MSI2: variants seen among roughly 807,000 people sequenced by gnomAD.
The protein encoded by MSI2 is musashi RNA binding protein 2.
In MSI2, 17 loss-of-function variants were observed where a neutral mutation model predicts 45.6. The ratio of observed to expected loss-of-function variants is 0.37; its 90% CI spans 0.26 to 0.56. MSI2 has a LOEUF of 0.56. Among genes scored for constraint, MSI2 ranks in the 20% least tolerant of loss-of-function variants. The pLI, the probability that MSI2 is intolerant of heterozygous loss-of-function variation, is 0.77. For missense variants in MSI2, 293 were observed against 444.2 expected (o/e 0.66, Z 3.06); for synonymous variants, 156 against 158.2 (o/e 0.99, Z 0.11).
At position 57,411,955 on chromosome 17, in the gene MSI2, C is replaced by T. The variant is rs547054551; in HGVS notation, c.405+10484C>T. 1.9e-3 allele frequency among the ~76,000 whole-genome samples: 287 copies of T among 149,956 alleles called. 1 individual carries two copies. Among genetic ancestry groups the T allele is most frequent in the Middle Eastern group, 6.8e-3 (2 of 294 alleles). ...CTGGGAGGCAGAGGTTGCAGTGAGC[C>T]AAGATCACACCATTGCACTCCAGCC... On this transcript the variant is annotated intron_variant, in intron 6 of 13. Transcript: ENST00000284073.
At chr17:57,293,202 G>T (rs1277512915) in intron 5 of MSI2, among the ~76,000 whole-genome samples, 3 of 152,152 alleles carry the variant, frequency 2.0e-5, no homozygotes, top group Admixed American at 6.5e-5. Flanking sequence ...AATGGTGTTT[G>T]CTCCAGAGCC....
chr17:57,502,636 T>TATATATATATATAGAGAGAGAGAGAGAG, intron 6 of MSI2, among the ~76,000 whole-genome samples: 5 of 96,902 alleles, frequency 5.2e-5, no homozygotes, highest in Non-Finnish European at 1.1e-4. Context: ...TATATATATA[T>TATATATATATATAGAGAGAGAGAGAGAG]AGTCATCATT....
At chr17:57,673,217 C>T (rs1292889535) in intron 11 of MSI2, among the ~76,000 whole-genome samples, 2 of 152,214 alleles carry the variant, frequency 1.3e-5, no homozygotes, top group Admixed American at 1.3e-4. Flanking sequence ...AATCTCTTCC[C>T]ATCCCTGTGA....
At chr17:57,530,929 AAC>A (rs2086808922) in intron 7 of MSI2, among the ~76,000 whole-genome samples, 1 of 151,858 alleles carries the variant, frequency 6.6e-6, no homozygotes, top group South Asian at 2.1e-4. Flanking sequence ...TTGGGTGCAC[AAC>A]AGTGGTGTCA....
chr17:57,464,108 G>C (rs984039461), intron 6 of MSI2, among the ~76,000 whole-genome samples: 2 of 151,858 alleles, frequency 1.3e-5, no homozygotes, highest in Non-Finnish European at 2.9e-5. Flanking sequence ...AGATGAGGTG[G>C]GGAGTTGAGG....
intron 7 of MSI2, among the ~76,000 whole-genome samples, chr17:57,530,014 C>T (rs1449853975): frequency 6.6e-6 from 1 of 152,208 alleles, no homozygotes; most frequent in East Asian, 1.9e-4. Context: ...TTCTGGGTCC[C>T]TTGCTAACCT....
Position 57,332,697 on chromosome 17 carries a change from G to A in MSI2, c.313-68682G>A, listed in dbSNP as rs528946590. 3.3e-5 allele frequency among the ~76,000 whole-genome samples: 5 copies of A among 152,326 alleles called. No homozygotes were observed. In the East Asian group the frequency reaches 9.7e-4, roughly 29 times the overall value. On this transcript the variant is annotated intron_variant, in intron 5 of 13. Transcript: ENST00000284073. Reference sequence around the variant, plus strand: ...AAAAACTTGCTTCTCTTGAGAGAGAGAAAGAGAGCGAGGCTGATTAGCATG... The same window carrying A: ...AAAAACTTGCTTCTCTTGAGAGAGAAAAAGAGAGCGAGGCTGATTAGCATG...
At chr17:57,577,589 T>G (rs1567911904) in intron 7 of MSI2, among the ~76,000 whole-genome samples, 1 of 152,164 alleles carries the variant, frequency 6.6e-6, no homozygotes, top group Non-Finnish European at 1.5e-5. Context: ...TGAAAAAAAT[T>G]AAAAAGAAAA....
chr17:57,390,951 G>C (rs1240680679), intron 5 of MSI2, among the ~76,000 whole-genome samples: 1 of 152,218 alleles, frequency 6.6e-6, no homozygotes, highest in Non-Finnish European at 1.5e-5. Context: ...GGTTCCCCAA[G>C]ATGATAGATC....
intron 7 of MSI2, among the ~76,000 whole-genome samples, chr17:57,587,498 G>C (rs955937072): frequency 4.6e-5 from 7 of 152,184 alleles, no homozygotes; most frequent in African/African-American, 1.7e-4. Flanking sequence ...AAATCTGATA[G>C]TGCCATTTCT....
At chr17:57,365,691 G>C (rs745327907) in intron 5 of MSI2, among the ~76,000 whole-genome samples, 5 of 152,160 alleles carry the variant, frequency 3.3e-5, no homozygotes, top group Admixed American at 6.5e-5. Context: ...AAGGCCATGT[G>C]GGGGAGGAGA....
chr17:57,435,349 T>C (rs1048617024), intron 6 of MSI2, among the ~76,000 whole-genome samples: 2 of 152,142 alleles, frequency 1.3e-5, no homozygotes. Context: ...TGATGGCACC[T>C]GGTGTGTTGG....
intron 5 of MSI2, among the ~76,000 whole-genome samples, chr17:57,371,645 T>G (rs1250018931): frequency 6.6e-6 from 1 of 152,132 alleles, no homozygotes; most frequent in Non-Finnish European, 1.5e-5. Context: ...TGGTTTTTAT[T>G]GTCTATGTGG....
Position 57,289,878 on chromosome 17 carries a change from C to T in MSI2, c.312+27686C>T, listed in dbSNP as rs572988336. 3.3e-5 allele frequency among the ~76,000 whole-genome samples: 5 copies of T among 152,328 alleles called. No homozygotes were observed. The East Asian group carries it at 5.8e-4, about 18-fold the overall frequency. On this transcript the variant is annotated intron_variant, in intron 5 of 13. Coordinates refer to ENST00000284073, the MANE Select transcript of MSI2 (RefSeq NM_138962.4). ...GCTCAGAGACAGAACTGTGTGTTGC[C>T]GGCAAGTTGCCATGAAGTAGTTTTA...
At chr17:57,406,145 T>A (rs1265562267) in intron 6 of MSI2, among the ~76,000 whole-genome samples, 1 of 152,206 alleles carries the variant, frequency 6.6e-6, no homozygotes, top group Non-Finnish European at 1.5e-5. Flanking sequence ...TTAGTGGACG[T>A]TATCTGTGTT....
intron 8 of MSI2, among the ~76,000 whole-genome samples, chr17:57,614,254 C>T (rs1020212549): frequency 5.3e-5 from 8 of 152,144 alleles, no homozygotes; most frequent in East Asian, 1.9e-4. Context: ...GGTTTTGCCA[C>T]GATAGCCAGG....
intron 5 of MSI2, among the ~76,000 whole-genome samples, chr17:57,396,701 G>A (rs1354968784): frequency 2.0e-5 from 3 of 152,130 alleles, no homozygotes; most frequent in Admixed American, 6.6e-5. Flanking sequence ...GGAGAGCAGC[G>A]GTGTTTAGTT....
At chr17:57,318,922 G>A (rs531462554) in intron 5 of MSI2, among the ~76,000 whole-genome samples, 14 of 152,340 alleles carry the variant, frequency 9.2e-5, no homozygotes, top group African/African-American at 3.4e-4. Flanking sequence ...AAGCAGGCTA[G>A]GGAAACATCC....
chr17:57,336,532 A>G (rs1440574054), intron 5 of MSI2, among the ~76,000 whole-genome samples: 2 of 152,210 alleles, frequency 1.3e-5, no homozygotes, highest in African/African-American at 4.8e-5. Context: ...GCATTACTCA[A>G]TCAGGAAATA....
Sources: allele counts gnomAD v4.1 joint callset (sites outside exome capture counted in the v4.1 genomes callset), GRCh38; gene constraint gnomAD v4.1.1; transcripts MANE v1.5; gene names NCBI Gene and HGNC (gene_info 2026-07-23, HGNC 2026-07-21).